Variants in ADGB observed in about 807,000 individuals in gnomAD.
ADGB encodes calpain-7-like protein.
In ADGB, 172 loss-of-function variants were observed where a neutral mutation model predicts 210.5. The ratio of observed to expected loss-of-function variants is 0.82; its 90% CI spans 0.72 to 0.93. The LOEUF is 0.93. Among genes scored for constraint, ADGB ranks in the 40% least tolerant of loss-of-function variants. ADGB has a pLI of 0.00. For missense variants in ADGB, 2,025 were observed against 1,964.8 expected (o/e 1.03, Z -0.58); for synonymous variants, 658 against 662.7 (o/e 0.99, Z 0.11).
At chr6:146,757,746 A>T (rs1489898342) in intron 27 of ADGB, among the ~76,000 whole-genome samples, 1 of 151,916 alleles carries the variant, frequency 6.6e-6, no homozygotes, top group African/African-American at 2.4e-5. Flanking sequence ...AATGTTTTAA[A>T]TAATTTTAAA....
intron 4 of ADGB, among the ~76,000 whole-genome samples, chr6:146,655,540 T>C (rs1775767635): frequency 6.6e-6 from 1 of 152,202 alleles, no homozygotes; most frequent in Admixed American, 6.5e-5. Context: ...CTGCTAAGAC[T>C]CAGAGGAGTG....
Position 146,733,962 on chromosome 6 carries a change from C to T in ADGB, c.2726C>T (p.Ala909Val). The change falls in exon 22 of 36, where the codon GCA becomes GTA. Residue 909 changes from alanine (A) to valine (V), a missense_variant. Transcript: ENST00000397944. ...GAGTATTCTGCTGAGGAAGTAGCAG[C>T]AGCAATTAAAATTCAAGCCATGTGG... ...DKEYSAEEVA[A>V]AIKIQAMWRG... 1 of 1,551,488 alleles carries T rather than the reference C, an allele frequency of 6.4e-7. No individual in the cohort carries two copies. Among genetic ancestry groups the T allele is most frequent in the Non-Finnish European group, 8.7e-7 (1 of 1,146,880 alleles).
intron 24 of ADGB, 36 bp from the exon 25 acceptor site, chr6:146,741,078 AATTC>A: frequency 7.0e-7 from 1 of 1,422,362 alleles, no homozygotes; most frequent in Non-Finnish European, 9.2e-7. Context: ...TTCCTTTAAG[AATTC>A]ACATCAAGGG....
At chr6:146,662,017 C>A (rs539989199) in intron 5 of ADGB, among the ~76,000 whole-genome samples, 1 of 152,074 alleles carries the variant, frequency 6.6e-6, no homozygotes, top group East Asian at 1.9e-4. Context: ...TCTGTCCTTC[C>A]CCTCTAACAG....
At chr6:146,720,514 C>T (rs1288546160) in intron 16 of ADGB, among the ~76,000 whole-genome samples, 1 of 152,134 alleles carries the variant, frequency 6.6e-6, no homozygotes, top group African/African-American at 2.4e-5. Flanking sequence ...CCACAGCCTG[C>T]TGTATCAGCA....
intron 3 of ADGB, among the ~76,000 whole-genome samples, chr6:146,646,522 A>C (rs1200114020): frequency 6.6e-6 from 1 of 152,146 alleles, no homozygotes; most frequent in Non-Finnish European, 1.5e-5. Flanking sequence ...TCAGCTGTTT[A>C]GGCATCTGTG....
intron 11 of ADGB, among the ~76,000 whole-genome samples, chr6:146,691,787 G>C (rs1364312520): frequency 4.6e-5 from 7 of 151,572 alleles, no homozygotes; most frequent in Non-Finnish European, 7.4e-5. Flanking sequence ...GTTATTATTA[G>C]TGTGATAGAA....
intron 8 of ADGB, among the ~76,000 whole-genome samples, chr6:146,674,732 C>A (rs1310483239): frequency 2.0e-5 from 3 of 152,122 alleles, no homozygotes; most frequent in African/African-American, 7.2e-5. Context: ...GACTCAGCTG[C>A]CAAGTTTATT....
intron 31 of ADGB, 22 bp from the exon 32 acceptor site, chr6:146,785,588 G>C: frequency 6.5e-7 from 1 of 1,539,032 alleles, no homozygotes; most frequent in Non-Finnish European, 8.8e-7. Flanking sequence ...CTTTTAAAAA[G>C]CTGCTCATGT....
Position 146,724,338 on chromosome 6 carries a change from G to A in ADGB, c.2237+11G>A, listed in dbSNP as rs1266285277. 2.0e-6 allele frequency: 3 copies of A among 1,496,666 alleles called. No homozygotes were observed. Among genetic ancestry groups the A allele is most frequent in the Non-Finnish European group, 2.7e-6 (3 of 1,124,272 alleles). 92.7% of individuals were successfully genotyped at this position (1,496,666 alleles called of 1,614,324 possible). A position where few individuals can be genotyped will look rare whatever the true frequency, so the allele number is the denominator to read the frequency against. The stretch of plus-strand genomic sequence containing the variant: ...TCGTCTGCCTGTTGGGTATGAAGTG[G>A]CTTCATTTTTCCCATAATAAAAATT... On this transcript the variant is annotated intron_variant, in intron 18 of 35. Transcript: ENST00000397944.
rs1777231183 is a variant in ADGB at position 146,746,075 on chromosome 6, T to G, written c.3331T>G (p.Tyr1111Asp). Residue 1111 changes from tyrosine to aspartate, a missense_variant, in exon 26 of 36, where the codon TAC becomes GAC. Transcript: ENST00000397944. ...CTTTGCCATAAAGGAAATCCGAGAT[T>G]ACTACATACCCAATGATAAGAAAAT... The part of the protein sequence containing the change: ...NSFAIKEIRD[Y>D]YIPNDKKILF... 6.5e-7 allele frequency: 1 copy of G among 1,550,348 alleles called. No individual in the cohort carries two copies. The highest frequency in any genetic ancestry group is 1.4e-5 in the African/African-American group (1 of 73,028).
intron 23 of ADGB, among the ~76,000 whole-genome samples, chr6:146,737,879 A>G (rs1340381590): frequency 6.6e-6 from 1 of 152,170 alleles, no homozygotes; most frequent in African/African-American, 2.4e-5. Flanking sequence ...ATTTCATGGA[A>G]TCTCAGCTCA....
intron 13 of ADGB, among the ~76,000 whole-genome samples, chr6:146,701,852 G>T (rs1562278249): frequency 6.6e-6 from 1 of 151,896 alleles, no homozygotes; most frequent in Admixed American, 6.6e-5. Context: ...TAGATGGGGA[G>T]ATACGACCAC....
intron 2 of ADGB, among the ~76,000 whole-genome samples, chr6:146,643,581 A>G (rs1280584662): frequency 6.6e-6 from 1 of 151,876 alleles, no homozygotes; most frequent in African/African-American, 2.4e-5. Context: ...AGCATCTGAG[A>G]GTACGCATTT....
chr6:146,799,836 G>T (rs1344336104), intron 33 of ADGB, among the ~76,000 whole-genome samples: 1 of 151,966 alleles, frequency 6.6e-6, no homozygotes, highest in African/African-American at 2.4e-5. Flanking sequence ...CTGAGACAGA[G>T]TCTCACTCTG....
intron 35 of ADGB, among the ~76,000 whole-genome samples, chr6:146,809,239 CT>C (rs1231159190): frequency 6.6e-6 from 1 of 152,190 alleles, no homozygotes; most frequent in African/African-American, 2.4e-5. Flanking sequence ...TTTCCTAACA[CT>C]TGTTGCCTAG....
intron 28 of ADGB, 135 bp downstream of exon 28, chr6:146,764,235 G>C: frequency 2.9e-6 from 2 of 687,746 alleles, no homozygotes; most frequent in Non-Finnish European, 4.6e-6. Context: ...GAATAAGAGA[G>C]TCTTGAACAG....
intron 5 of ADGB, among the ~76,000 whole-genome samples, chr6:146,660,086 C>A (rs575081052): frequency 4.6e-5 from 7 of 152,276 alleles, no homozygotes; most frequent in African/African-American, 1.7e-4. Flanking sequence ...CCCCCAACAT[C>A]AAACTGGCTG....
At chr6:146,727,958 C>T (rs1583609497) in intron 19 of ADGB, among the ~76,000 whole-genome samples, 1 of 152,150 alleles carries the variant, frequency 6.6e-6, no homozygotes, top group East Asian at 1.9e-4. Context: ...ACCATGGTGC[C>T]CTCTAAGGGG....
Sources: gnomAD v4.1 joint callset for allele counts (sites outside exome capture counted in the v4.1 genomes callset) on GRCh38, gnomAD v4.1.1 for gene constraint, MANE v1.5 for transcripts, NCBI Gene and HGNC (gene_info 2026-07-23, HGNC 2026-07-21) for gene names.